Variants in ADGRB3 observed in about 807,000 individuals in gnomAD.
The protein encoded by ADGRB3 is adhesion G protein-coupled receptor B3.
Under a neutral mutation model 193.4 loss-of-function variants are expected in ADGRB3, and 37 were observed. That is an observed-to-expected ratio of 0.19 (90% confidence interval 0.15 to 0.25). ADGRB3 has a LOEUF of 0.25. Among genes scored for constraint, ADGRB3 ranks in the 10% least tolerant of loss-of-function variants. ADGRB3 has a pLI of 1.00. For missense variants in ADGRB3, 1,637 were observed against 1,852.9 expected (o/e 0.88, Z 2.14); for synonymous variants, 690 against 644.2 (o/e 1.07, Z -1.08).
In ADGRB3 at chr6:69,190,491, A is replaced by T. The variant is rs1765164590; in HGVS notation, c.2481-42799A>T. Among the ~76,000 whole-genome samples the T allele has an allele frequency of 2.0e-5, 3 of 152,116 alleles. No individual in the cohort carries two copies. The South Asian group carries it at 6.2e-4, about 31-fold the overall frequency. Reference sequence around the variant, plus strand: ...TCTGTGTTTTAAGTTATGTCTCAATACGAGTCAAAAAGTTAAAAAATATTA... The same window carrying T: ...TCTGTGTTTTAAGTTATGTCTCAATTCGAGTCAAAAAGTTAAAAAATATTA... On this transcript the variant is annotated intron_variant, in intron 17 of 31. Coordinates refer to ENST00000370598, the MANE Select transcript of ADGRB3 (RefSeq NM_001704.3).
At chr6:69,368,385 C>T (rs913269376) in intron 29 of ADGRB3, among the ~76,000 whole-genome samples, 2 of 151,962 alleles carry the variant, frequency 1.3e-5, no homozygotes, top group African/African-American at 2.4e-5. Flanking sequence ...CAGAACAAGA[C>T]GTATTTCAGA....
chr6:68,941,883 A>G (rs1205194297), intron 5 of ADGRB3, among the ~76,000 whole-genome samples: 3 of 150,888 alleles, frequency 2.0e-5, no homozygotes, highest in Non-Finnish European at 4.4e-5. Context: ...CATCTTTTAT[A>G]TATATTTAAT....
chr6:68,772,563 T>C (rs1299148771), intron 3 of ADGRB3, among the ~76,000 whole-genome samples: 2 of 152,012 alleles, frequency 1.3e-5, no homozygotes, highest in Non-Finnish European at 2.9e-5. Flanking sequence ...TGAAATACCA[T>C]ACCAGTAATC....
intron 3 of ADGRB3, among the ~76,000 whole-genome samples, chr6:68,815,220 G>A (rs569468949): frequency 2.4e-4 from 36 of 152,098 alleles, no homozygotes; most frequent in Non-Finnish European, 4.7e-4. Context: ...TTCTTTGAGT[G>A]TTCAATGGGG....
At position 69,354,271 on chromosome 6, in the gene ADGRB3, G is replaced by A. The variant is rs758165505; in HGVS notation, c.3498G>A (p.Gln1166=). The change falls in exon 27 of 32, where the codon CAG becomes CAA. Residue 1166 remains glutamine (Q), a synonymous_variant. Coordinates refer to ENST00000370598, the MANE Select transcript of ADGRB3 (RefSeq NM_001704.3). ...DAFRCRLRNC[Q]DPINADSSSS... ...TTAGATGCCGATTGAGAAACTGTCAGGATCCCATCAATGCAGATTCTTCGA... is the reference window on the plus strand; with the variant it reads ...TTAGATGCCGATTGAGAAACTGTCAAGATCCCATCAATGCAGATTCTTCGA... The A allele has an allele frequency of 3.1e-6, 5 of 1,613,980 alleles. No homozygotes were observed. The highest frequency in any genetic ancestry group is 4.2e-6 in the Non-Finnish European group (5 of 1,179,928).
chr6:69,132,324 G>A (rs1021290539), intron 17 of ADGRB3, among the ~76,000 whole-genome samples: 2 of 152,112 alleles, frequency 1.3e-5, no homozygotes, highest in Admixed American at 6.6e-5. Context: ...ATTCTAACTG[G>A]CATGAGATAG....
intron 19 of ADGRB3, 138 bp from the exon 20 acceptor site, chr6:69,238,980 CTATTTT>C (rs1263347325): frequency 7.3e-6 from 3 of 413,240 alleles, no homozygotes; most frequent in Non-Finnish European, 8.4e-6. Context: ...ATTTTAGAAA[CTATTTT>C]TATATTTTTT....
At chr6:68,732,690 C>T (rs965516269) in intron 3 of ADGRB3, among the ~76,000 whole-genome samples, 1 of 151,900 alleles carries the variant, frequency 6.6e-6, no homozygotes, top group Non-Finnish European at 1.5e-5. Flanking sequence ...CCGTGAGACT[C>T]CACCCTCACT....
At chr6:68,733,487 G>T (rs1161934739) in intron 3 of ADGRB3, among the ~76,000 whole-genome samples, 5 of 151,734 alleles carry the variant, frequency 3.3e-5, no homozygotes, top group Non-Finnish European at 7.4e-5. Context: ...ACTTCAAAAA[G>T]GGGGAAGAAG....
rs1296641360 is a variant in ADGRB3, at chr6:68,639,224, T to A, written c.549T>A (p.Asn183Lys). The change falls in exon 3 of 32, where the codon AAT becomes AAA. Residue 183 changes from asparagine (N) to lysine (K), a missense_variant. By Grantham distance (94) the Asn-to-Lys change is moderately conservative (BLOSUM62 0). Transcript: ENST00000370598. ...TGGAGAGCTGCTTAAAATCAGAAAA[T>A]GGGAGAACAGAATCATGTGGGATCA... ...TWLESCLKSE[N>K]GRTESCGIMY... 1 of 1,613,950 alleles carries A rather than the reference T, an allele frequency of 6.2e-7. No homozygotes were observed.
At chr6:68,757,904 G>T (rs1350690020) in intron 3 of ADGRB3, among the ~76,000 whole-genome samples, 1 of 151,960 alleles carries the variant, frequency 6.6e-6, no homozygotes, top group Non-Finnish European at 1.5e-5. Flanking sequence ...TCTATTCACA[G>T]TATTTATATT....
intron 3 of ADGRB3, among the ~76,000 whole-genome samples, chr6:68,880,594 G>A (rs75835928): frequency 0.094 from 14,232 of 152,138 alleles, 879 homozygotes; most frequent in Non-Finnish European, 0.13. Context: ...ATACTACAGC[G>A]TAAATAACTT....
intron 26 of ADGRB3, among the ~76,000 whole-genome samples, chr6:69,340,817 G>T (rs1430873399): frequency 1.3e-5 from 2 of 151,954 alleles, no homozygotes; most frequent in East Asian, 3.9e-4. Flanking sequence ...CCCTGTGTCC[G>T]TGTGTTCTCA....
At chr6:69,337,435 A>G (rs547868510) in intron 24 of ADGRB3, among the ~76,000 whole-genome samples, 1 of 152,262 alleles carries the variant, frequency 6.6e-6, no homozygotes, top group Non-Finnish European at 1.5e-5. Flanking sequence ...CCTAAGTCCT[A>G]TTAAATTAGA....
intron 26 of ADGRB3, among the ~76,000 whole-genome samples, chr6:69,353,947 C>T (rs1249773001): frequency 6.6e-6 from 1 of 152,112 alleles, no homozygotes; most frequent in East Asian, 1.9e-4. Flanking sequence ...CCTGTAATCC[C>T]AGCTACTTGA....
chr6:68,965,976 A>G (rs1401472759), intron 8 of ADGRB3, among the ~76,000 whole-genome samples: 1 of 152,168 alleles, frequency 6.6e-6, no homozygotes. Flanking sequence ...ATTCCATCAT[A>G]TATATCAATT....
chr6:69,032,104 G>A (rs1770729631), intron 13 of ADGRB3, among the ~76,000 whole-genome samples: 1 of 152,074 alleles, frequency 6.6e-6, no homozygotes, highest in African/African-American at 2.4e-5. Flanking sequence ...AAATAGGATT[G>A]AGCAAAAAGA....
chr6:68,804,285 C>T (rs1338931769), intron 3 of ADGRB3, among the ~76,000 whole-genome samples: 1 of 152,172 alleles, frequency 6.6e-6, no homozygotes, highest in Non-Finnish European at 1.5e-5. Flanking sequence ...CACTTTTCAT[C>T]TTGAGAAAGT....
intron 3 of ADGRB3, among the ~76,000 whole-genome samples, chr6:68,748,166 T>C (rs1766122571): frequency 6.6e-6 from 1 of 152,082 alleles, no homozygotes; most frequent in South Asian, 2.1e-4. Context: ...AGCAGTATCA[T>C]TCCACCCCTA....
Sources: gnomAD v4.1 joint callset for allele counts (sites outside exome capture counted in the v4.1 genomes callset) on GRCh38, gnomAD v4.1.1 for gene constraint, MANE v1.5 for transcripts, NCBI Gene and HGNC (gene_info 2026-07-23, HGNC 2026-07-21) for gene names.